The following WDR41 variants were observed in gnomAD, a reference collection of about 807,000 sequenced individuals.
WDR41 encodes the protein WD repeat-containing protein 41.
A neutral mutation model predicts 69.3 loss-of-function variants in WDR41; 63 were observed. That is an observed-to-expected ratio of 0.91 (90% confidence interval 0.74 to 1.12). The LOEUF (loss-of-function observed/expected upper bound fraction) is 1.12. Among genes scored for constraint, WDR41 ranks in the 50% most tolerant of loss-of-function variants. The pLI is 0.00. For missense variants in WDR41, 543 were observed against 534.5 expected, an observed-to-expected ratio of 1.02 and a Z score of -0.16; for synonymous variants, 185 against 192.1, an observed-to-expected ratio of 0.96 and a Z score of 0.31.
chr5:77,448,147 T>C (rs1300971235), intron 8 of WDR41, among the ~76,000 whole-genome samples: 1 of 152,158 alleles, frequency 6.6e-6, no homozygotes, highest in Non-Finnish European at 1.5e-5. Context: ...AGTGCTTCAC[T>C]GCTAAAACAA....
intron 1 of WDR41, chr5:77,545,674 C>T: frequency 2.3e-6 from 1 of 439,512 alleles, no homozygotes; most frequent in South Asian, 3.8e-5. Flanking sequence ...GGGGGCCTCT[C>T]TCAAGGATGA....
chr5:77,480,624 T>A (rs889868970), intron 2 of WDR41, among the ~76,000 whole-genome samples: 1 of 136,292 alleles, frequency 7.3e-6, no homozygotes, highest in Non-Finnish European at 1.5e-5. Context: ...AACTGAACAA[T>A]GAGAACACAT....
At chr5:77,483,507 T>C (rs948760204) in intron 2 of WDR41, among the ~76,000 whole-genome samples, 36 of 150,338 alleles carry the variant, frequency 2.4e-4, no homozygotes, top group African/African-American at 8.8e-4. Context: ...TGTGTGTGTG[T>C]GTGTGTGTGT....
intron 1 of WDR41, among the ~76,000 whole-genome samples, chr5:77,508,427 G>A (rs776395285): frequency 2.6e-4 from 39 of 152,264 alleles, no homozygotes; most frequent in African/African-American, 8.9e-4. Context: ...TTATAAAAAC[G>A]TCTGTGTTTT....
At chr5:77,513,333 T>C (rs1802238114) in intron 1 of WDR41, among the ~76,000 whole-genome samples, 1 of 152,224 alleles carries the variant, frequency 6.6e-6, no homozygotes, top group Admixed American at 6.5e-5. Context: ...TTTCTTATTG[T>C]TGCTAGTGGT....
At chr5:77,440,140 G>A (rs1027596367) in intron 9 of WDR41, among the ~76,000 whole-genome samples, 2 of 152,106 alleles carry the variant, frequency 1.3e-5, no homozygotes, top group African/African-American at 2.4e-5. Context: ...AGTATAGAAA[G>A]TCACAAAATA....
At chr5:77,436,120 T>G in intron 12 of WDR41, 141 bp downstream of exon 12, 1 of 1,107,182 alleles carries the variant, frequency 9.0e-7, no homozygotes, top group Non-Finnish European at 1.3e-6. Context: ...TACTATAGCC[T>G]ATCCCATTCC....
At chr5:77,598,905 A>C (rs1744275175) in intron 1 of WDR41, among the ~76,000 whole-genome samples, 1 of 152,106 alleles carries the variant, frequency 6.6e-6, no homozygotes, top group Non-Finnish European at 1.5e-5. Flanking sequence ...ATAAGTCAAG[A>C]TTCTCATAGT....
chr5:77,593,559 A>G (rs920631428), intron 1 of WDR41, among the ~76,000 whole-genome samples: 2 of 152,242 alleles, frequency 1.3e-5, no homozygotes, highest in Non-Finnish European at 2.9e-5. Flanking sequence ...GAAAATGTTT[A>G]TAATATAGTA....
chr5:77,436,224 G>T (rs1308841003), intron 12 of WDR41, 37 bp downstream of exon 12: 1 of 1,590,132 alleles, frequency 6.3e-7, no homozygotes, highest in Admixed American at 1.8e-5. Context: ...TGCAAAAGCA[G>T]GAGTTGCTTG....
chr5:77,469,648 T>C (rs1488789937), intron 2 of WDR41, among the ~76,000 whole-genome samples: 1 of 151,764 alleles, frequency 6.6e-6, no homozygotes, highest in Non-Finnish European at 1.5e-5. Context: ...ACATTTACAA[T>C]AAAATAACAT....
chr5:77,583,220 A>C (rs537949501), intron 1 of WDR41: 1 of 715,828 alleles, frequency 1.4e-6, no homozygotes, highest in African/African-American at 1.8e-5. Flanking sequence ...TTGAATTAGT[A>C]ATTAAAAAAG....
chr5:77,597,954 G>C (rs1248880888), intron 1 of WDR41, among the ~76,000 whole-genome samples: 1 of 152,152 alleles, frequency 6.6e-6, no homozygotes, highest in Non-Finnish European at 1.5e-5. Context: ...AAAGACTTTA[G>C]TTAGAATCCT....
rs371519233 is a variant in WDR41 at position 77,459,077 on chromosome 5, G to A, written c.396C>T (p.Phe132=). ...AAGATTTTACCTTTACAGTAGACTG[G>A]AAGCATGATATTCTCTGAACTTGTC... ...TTRQVQRISC[F]QSTVKCLTVL... The change falls in exon 5 of 13, where the codon TTC becomes TTT. Residue 132 remains phenylalanine (F), a synonymous_variant. Transcript: ENST00000296679. The A allele has an allele frequency of 1.4e-5, 22 of 1,600,764 alleles. No individual in the cohort carries two copies. The highest frequency in any genetic ancestry group is 1.7e-5 in the Non-Finnish European group (20 of 1,171,362).
intron 8 of WDR41, among the ~76,000 whole-genome samples, chr5:77,447,883 G>T (rs1195800842): frequency 6.6e-6 from 1 of 152,120 alleles, no homozygotes; most frequent in Non-Finnish European, 1.5e-5. Flanking sequence ...TTTTTTAGAA[G>T]AAATTTTTTA....
At chr5:77,539,236 C>T (rs955969188) in intron 1 of WDR41, among the ~76,000 whole-genome samples, 3 of 152,170 alleles carry the variant, frequency 2.0e-5, no homozygotes, top group African/African-American at 4.8e-5. Context: ...TAGATATAAG[C>T]ATTGAATTCA....
intron 1 of WDR41, among the ~76,000 whole-genome samples, chr5:77,532,888 CG>C (rs1742883472): frequency 6.6e-6 from 1 of 151,924 alleles, no homozygotes; most frequent in African/African-American, 2.4e-5. Context: ...GATTGGGAAA[CG>C]GGCCTTTCAT....
intron 4 of WDR41, among the ~76,000 whole-genome samples, chr5:77,462,430 A>G (rs1016340042): frequency 6.8e-6 from 1 of 146,000 alleles, no homozygotes; most frequent in Admixed American, 6.9e-5. Flanking sequence ...AAAAAAAAGA[A>G]TTAAAAATAC....
At chr5:77,483,464 C>T (rs1039126971) in intron 2 of WDR41, among the ~76,000 whole-genome samples, 2 of 148,228 alleles carry the variant, frequency 1.3e-5, no homozygotes, top group African/African-American at 2.5e-5. Flanking sequence ...ACCACCCCTA[C>T]GAGTTACCTG....
Sources: gnomAD v4.1 joint callset for allele counts (sites outside exome capture counted in the v4.1 genomes callset) on GRCh38, gnomAD v4.1.1 for gene constraint, MANE v1.5 for transcripts, NCBI Gene and HGNC (gene_info 2026-07-23, HGNC 2026-07-21) for gene names.